Variants in STPG2 observed in about 807,000 individuals in gnomAD.
The protein encoded by STPG2 is sperm-tail PG-rich repeat-containing protein 2.
In STPG2, 56 loss-of-function variants were observed where a neutral mutation model predicts 54.2. The observed-to-expected ratio is 1.03, with a 90% CI of 0.83 to 1.29. The LOEUF (loss-of-function observed/expected upper bound fraction) is 1.29. Among genes scored for constraint, STPG2 ranks in the 50% most tolerant of loss-of-function variants. The pLI is 0.00. For synonymous variants in STPG2, 200 were observed against 181.8 expected, an observed-to-expected ratio of 1.10 and a Z score of -0.81; for missense variants, 596 against 544.9, an observed-to-expected ratio of 1.09 and a Z score of -0.93.
intron 4 of STPG2, among the ~76,000 whole-genome samples, chr4:97,549,477 T>C (rs1428193215): frequency 6.6e-6 from 1 of 152,150 alleles, no homozygotes; most frequent in Non-Finnish European, 1.5e-5. Flanking sequence ...TAGATTCAAG[T>C]CCTGAGATGT....
At chr4:97,975,126 G>T (rs764907888) in intron 6 of STPG2, among the ~76,000 whole-genome samples, 1 of 152,162 alleles carries the variant, frequency 6.6e-6, no homozygotes, top group Non-Finnish European at 1.5e-5. Context: ...CCTAGGGCCA[G>T]AAGTGGGAAT....
intron 4 of STPG2, among the ~76,000 whole-genome samples, chr4:97,450,019 T>A (rs1729325148): frequency 6.6e-6 from 1 of 152,166 alleles, no homozygotes; most frequent in South Asian, 2.1e-4. Context: ...GAACAAAAAT[T>A]AGTTTCAGAA....
intron 8 of STPG2, among the ~76,000 whole-genome samples, chr4:97,903,104 G>A (rs569208949): frequency 5.6e-4 from 86 of 152,218 alleles, no homozygotes; most frequent in Non-Finnish European, 8.5e-4. Context: ...GTTCAAACTC[G>A]AAGTTACAAA....
intron 9 of STPG2, among the ~76,000 whole-genome samples, chr4:97,718,078 G>A (rs944061737): frequency 1.6e-4 from 25 of 152,034 alleles, no homozygotes; most frequent in Non-Finnish European, 3.7e-4. Flanking sequence ...ACCATTCTCA[G>A]GGCTAAATTA....
At chr4:97,740,726 T>A (rs1025983858) in intron 9 of STPG2, among the ~76,000 whole-genome samples, 1 of 152,156 alleles carries the variant, frequency 6.6e-6, no homozygotes, top group Middle Eastern at 3.2e-3. Flanking sequence ...TACAAACAAA[T>A]GGAAGAACAT....
chr4:98,106,099 A>C (rs1739181324), intron 4 of STPG2, 35 bp from the exon 5 acceptor site: 2 of 1,289,644 alleles, frequency 1.6e-6, no homozygotes, highest in Admixed American at 2.7e-5. Flanking sequence ...AAGAATTCTC[A>C]ATTTTAAACC....
chr4:97,906,697 C>T (rs1261845074), intron 8 of STPG2, among the ~76,000 whole-genome samples: 1 of 151,858 alleles, frequency 6.6e-6, no homozygotes, highest in Non-Finnish European at 1.5e-5. Context: ...CCCTGGGATG[C>T]AAGGCTGGTT....
chr4:97,889,355 G>C (rs573082271), intron 8 of STPG2, among the ~76,000 whole-genome samples: 5 of 152,146 alleles, frequency 3.3e-5, no homozygotes, highest in Non-Finnish European at 7.3e-5. Flanking sequence ...ATGTTGATGA[G>C]ATAACTATAT....
At chr4:97,540,384 A>C (rs1731664873) in intron 4 of STPG2, among the ~76,000 whole-genome samples, 1 of 152,204 alleles carries the variant, frequency 6.6e-6, no homozygotes, top group Non-Finnish European at 1.5e-5. Flanking sequence ...GAAGAAATGG[A>C]TAAATTCCTC....
chr4:97,937,659 G>C (rs1732796840), intron 8 of STPG2, among the ~76,000 whole-genome samples: 1 of 152,128 alleles, frequency 6.6e-6, no homozygotes. Context: ...GCTGTGGTTT[G>C]CTGAGGGTTC....
At chr4:98,134,282 C>T in intron 2 of STPG2, 65 bp downstream of exon 2, 2 of 775,902 alleles carry the variant, frequency 2.6e-6, no homozygotes, top group Middle Eastern at 3.1e-4. Flanking sequence ...CAACAAATGA[C>T]ATTTGGTCTA....
intron 4 of STPG2, among the ~76,000 whole-genome samples, chr4:97,481,347 AT>A (rs2148821112): frequency 6.6e-6 from 1 of 151,648 alleles, no homozygotes; most frequent in South Asian, 2.1e-4. Context: ...TGTTTTGGCT[AT>A]TTTGAGTAAT....
At chr4:97,739,982 G>A (rs1352430385) in intron 9 of STPG2, among the ~76,000 whole-genome samples, 13 of 151,934 alleles carry the variant, frequency 8.6e-5, no homozygotes, top group South Asian at 2.1e-4. Context: ...CTGGCAAACC[G>A]AATCCAGCAG....
intron 3 of STPG2, among the ~76,000 whole-genome samples, chr4:98,125,528 C>A (rs948413928): frequency 1.4e-5 from 2 of 146,808 alleles, no homozygotes; most frequent in African/African-American, 5.1e-5. Context: ...GCAAAGATGA[C>A]AGCATGCTCT....
intron 10 of STPG2, among the ~76,000 whole-genome samples, chr4:97,648,950 C>G (rs1721987860): frequency 2.0e-5 from 3 of 152,092 alleles, no homozygotes; most frequent in African/African-American, 7.2e-5. Flanking sequence ...TCCTACACAT[C>G]CAGGTTATAA....
At chr4:97,716,677 C>A (rs1460594805) in intron 9 of STPG2, among the ~76,000 whole-genome samples, 1 of 144,234 alleles carries the variant, frequency 6.9e-6, no homozygotes, top group Admixed American at 7.0e-5. Flanking sequence ...GGGAGGGGAA[C>A]ATCACACACT....
intron 8 of STPG2, among the ~76,000 whole-genome samples, chr4:97,914,564 C>T (rs1731803129): frequency 6.6e-6 from 1 of 152,108 alleles, no homozygotes; most frequent in South Asian, 2.1e-4. Context: ...CAAACAGAAA[C>T]ATTGTACCAT....
chr4:97,525,627 A>C (rs2148849547), intron 4 of STPG2, among the ~76,000 whole-genome samples: 1 of 152,132 alleles, frequency 6.6e-6, no homozygotes, highest in East Asian at 1.9e-4. Flanking sequence ...GGAGCCAAAC[A>C]AAAACTATTG....
At chr4:98,038,871 G>A (rs1426002338) in intron 5 of STPG2, among the ~76,000 whole-genome samples, 1 of 151,890 alleles carries the variant, frequency 6.6e-6, no homozygotes, top group Non-Finnish European at 1.5e-5. Context: ...ATTCATAGAA[G>A]AGGAAATAGA....
Sources: allele counts gnomAD v4.1 joint callset (sites outside exome capture counted in the v4.1 genomes callset), GRCh38; gene constraint gnomAD v4.1.1; transcripts MANE v1.5; gene names NCBI Gene and HGNC (gene_info 2026-07-23, HGNC 2026-07-21).